KCNIP1: variants seen among roughly 807,000 people sequenced by gnomAD.
The protein encoded by KCNIP1 is A-type potassium channel modulatory protein KCNIP1.
Under a neutral mutation model 33.0 loss-of-function variants are expected in KCNIP1, and 18 were observed. The ratio of observed to expected loss-of-function variants is 0.55; its 90% CI spans 0.38 to 0.81. The LOEUF (loss-of-function observed/expected upper bound fraction) is 0.81, where lower values mean the gene tolerates loss of function less well. Among genes scored for constraint, KCNIP1 ranks in the 30% least tolerant of loss-of-function variants. KCNIP1 has a pLI of 0.00. For missense variants in KCNIP1, 238 were observed against 271.6 expected (o/e 0.88, Z 0.87); for synonymous variants, 93 against 98.3 (o/e 0.95, Z 0.32).
At chr5:170,661,292 C>T (rs1761475589) in intron 1 of KCNIP1, among the ~76,000 whole-genome samples, 1 of 152,142 alleles carries the variant, frequency 6.6e-6, no homozygotes, top group African/African-American at 2.4e-5. Flanking sequence ...TGTGGGGACA[C>T]GTGAGTATGT....
At chr5:170,524,638 T>C (rs1233620628) in intron 1 of KCNIP1, among the ~76,000 whole-genome samples, 4 of 150,166 alleles carry the variant, frequency 2.7e-5, no homozygotes, top group African/African-American at 4.9e-5. Flanking sequence ...TGTCCCAAGA[T>C]GGAAACACAA....
At chr5:170,526,311 T>G (rs1755566545) in intron 1 of KCNIP1, among the ~76,000 whole-genome samples, 1 of 152,098 alleles carries the variant, frequency 6.6e-6, no homozygotes, top group East Asian at 1.9e-4. Context: ...GTTGTCAATA[T>G]CAACTCTACG....
rs185033160 is a variant in KCNIP1 at position 170,598,043 on chromosome 5, C to T, written c.61+93410C>T. 2.6e-3 allele frequency among the ~76,000 whole-genome samples: 403 copies of T among 152,236 alleles called. 2 individuals carry two copies. The highest frequency in any genetic ancestry group is 9.1e-3 in the African/African-American group (379 of 41,528). On this transcript the variant is annotated intron_variant, in intron 1 of 7. Transcript: ENST00000328939. ...CTCTGTGGCCCCCACTCCTGCCTCC[C>T]GGTGACTTGTTTAGAACTACTTCAG...
chr5:170,391,989 G>A (rs1038692878), intron 1 of KCNIP1, among the ~76,000 whole-genome samples: 2 of 152,184 alleles, frequency 1.3e-5, no homozygotes, highest in Non-Finnish European at 1.5e-5. Context: ...CACCCTGGGT[G>A]GAGCTTCGTA....
chr5:170,560,218 CT>C (rs1216342768), intron 1 of KCNIP1, among the ~76,000 whole-genome samples: 11 of 152,104 alleles, frequency 7.2e-5, no homozygotes, highest in Admixed American at 2.0e-4. Flanking sequence ...AGCCTCTGGG[CT>C]TCCAGCAGAA....
At chr5:170,371,275 A>G (rs1303093333) in intron 1 of KCNIP1, among the ~76,000 whole-genome samples, 2 of 152,176 alleles carry the variant, frequency 1.3e-5, no homozygotes, top group Non-Finnish European at 2.9e-5. Flanking sequence ...TGCCCACAGC[A>G]GAACCTTTGT....
At chr5:170,696,972 C>T (rs553332734) in intron 1 of KCNIP1, among the ~76,000 whole-genome samples, 1 of 152,206 alleles carries the variant, frequency 6.6e-6, no homozygotes, top group African/African-American at 2.4e-5. Flanking sequence ...CAGGAGGCTC[C>T]TAAAAGCTCT....
At chr5:170,530,965 C>T (rs573413594) in intron 1 of KCNIP1, among the ~76,000 whole-genome samples, 1 of 152,180 alleles carries the variant, frequency 6.6e-6, no homozygotes, top group African/African-American at 2.4e-5. Flanking sequence ...GGGGTGGCCT[C>T]CAAGCCTAAT....
intron 1 of KCNIP1, among the ~76,000 whole-genome samples, chr5:170,525,168 C>G (rs1488425289): frequency 2.0e-5 from 3 of 152,186 alleles, no homozygotes; most frequent in Non-Finnish European, 4.4e-5. Flanking sequence ...CTGTCCTGGG[C>G]TTTGGAAATA....
chr5:170,732,889 G>A lies in KCNIP1; in HGVS notation c.525G>A (p.Val175=), dbSNP rs746582145. The change falls in exon 6 of 8, where the codon GTG becomes GTA. Residue 175 remains valine, a synonymous_variant. Coordinates refer to ENST00000328939, the MANE Select transcript of KCNIP1 (RefSeq NM_014592.4). ...AAGAGGACACTCCAAGGCAGCATGT[G>A]GACGTCTTCTTCCAGGTAAGTGCAC... ...VLKEDTPRQH[V]DVFFQKMDKN... is the part of the protein sequence containing the mutation. 1.2e-5 allele frequency: 20 copies of A among 1,611,304 alleles called. No individual in the cohort carries two copies. The highest frequency in any genetic ancestry group is 1.6e-5 in the Non-Finnish European group (19 of 1,177,670).
intron 1 of KCNIP1, among the ~76,000 whole-genome samples, chr5:170,618,541 A>AGGG (rs1759483522): frequency 7.0e-5 from 1 of 14,218 alleles, no homozygotes; most frequent in East Asian, 2.4e-3. Context: ...GGAGGAAAGG[A>AGGG]GGGAGGAGGG....
At chr5:170,713,973 G>A (rs932475088) in intron 1 of KCNIP1, among the ~76,000 whole-genome samples, 6 of 150,628 alleles carry the variant, frequency 4.0e-5, no homozygotes, top group Admixed American at 2.0e-4. Flanking sequence ...GCAGTGAGCC[G>A]AGATCACACC....
chr5:170,645,909 C>T (rs1760764982), intron 1 of KCNIP1, among the ~76,000 whole-genome samples: 2 of 151,526 alleles, frequency 1.3e-5, no homozygotes, highest in African/African-American at 4.9e-5. Flanking sequence ...AAAAAAAATA[C>T]TCTGAATCAA....
At chr5:170,681,163 T>C in intron 1 of KCNIP1, 1 of 399,182 alleles carries the variant, frequency 2.5e-6, no homozygotes. Flanking sequence ...CTCGGACTGA[T>C]TGACTTGTCA....
chr5:170,581,899 T>A (rs1757807749), intron 1 of KCNIP1, among the ~76,000 whole-genome samples: 1 of 151,968 alleles, frequency 6.6e-6, no homozygotes, highest in South Asian at 2.1e-4. Flanking sequence ...TGGCAGAAAG[T>A]GAAGAGGAGC....
At chr5:170,732,980 AT>A in intron 6 of KCNIP1, 76 bp downstream of exon 6, 1 of 861,320 alleles carries the variant, frequency 1.2e-6, no homozygotes, top group East Asian at 2.4e-5. Context: ...TGAGCAAATG[AT>A]TTGTGTCCAA....
At chr5:170,678,089 A>G (rs1762210830) in intron 1 of KCNIP1, among the ~76,000 whole-genome samples, 1 of 152,266 alleles carries the variant, frequency 6.6e-6, no homozygotes, top group South Asian at 2.1e-4. Context: ...GAACTTCAAT[A>G]AAGATTTCAA....
At chr5:170,699,962 A>C (rs1450132065) in intron 1 of KCNIP1, among the ~76,000 whole-genome samples, 1 of 152,070 alleles carries the variant, frequency 6.6e-6, no homozygotes, top group Non-Finnish European at 1.5e-5. Context: ...AAATAACAAG[A>C]CTGTATTTTC....
chr5:170,648,731 G>A (rs972978800), intron 1 of KCNIP1, among the ~76,000 whole-genome samples: 1 of 152,178 alleles, frequency 6.6e-6, no homozygotes, highest in African/African-American at 2.4e-5. Flanking sequence ...TGTACCAGGA[G>A]TGAACCCTAA....
Sources: allele counts gnomAD v4.1 joint callset (sites outside exome capture counted in the v4.1 genomes callset), GRCh38; gene constraint gnomAD v4.1.1; transcripts MANE v1.5; gene names NCBI Gene and HGNC (gene_info 2026-07-23, HGNC 2026-07-21).